Variants in GREM2 observed in about 807,000 individuals in gnomAD.
GREM2 encodes the protein gremlin 2, DAN family BMP antagonist.
A neutral mutation model predicts 14.2 loss-of-function variants in GREM2; 11 were observed. That is an observed-to-expected ratio of 0.78 (90% confidence interval 0.49 to 1.28). The LOEUF is 1.28. Among genes scored for constraint, GREM2 ranks in the 50% most tolerant of loss-of-function variants. The pLI, the probability that GREM2 is intolerant of heterozygous loss-of-function variation, is 0.00. For missense variants in GREM2, 210 were observed against 218.5 expected, an observed-to-expected ratio of 0.96 and a Z score of 0.24; for synonymous variants, 98 against 97.6, an observed-to-expected ratio of 1.00 and a Z score of -0.02.
intron 1 of GREM2, among the ~76,000 whole-genome samples, chr1:240,536,148 T>C (rs1435942586): frequency 1.3e-5 from 2 of 152,186 alleles, no homozygotes; most frequent in Non-Finnish European, 2.9e-5. Context: ...CCCTCAATTA[T>C]GGCAGTTAGA....
At chr1:240,528,448 T>C (rs146177169) in intron 1 of GREM2, among the ~76,000 whole-genome samples, 1 of 152,310 alleles carries the variant, frequency 6.6e-6, no homozygotes, top group African/African-American at 2.4e-5. Flanking sequence ...ATTATTCACC[T>C]GTCTCCAAAC....
intron 1 of GREM2, among the ~76,000 whole-genome samples, chr1:240,532,890 T>C (rs531047296): frequency 7.2e-5 from 11 of 152,352 alleles, no homozygotes; most frequent in African/African-American, 2.2e-4. Context: ...TGCTTTGAAG[T>C]GTACACTGTT....
chr1:240,509,658 GCA>G (rs1558142266), intron 1 of GREM2, among the ~76,000 whole-genome samples: 47 of 152,200 alleles, frequency 3.1e-4, no homozygotes, highest in Admixed American at 1.6e-3. Context: ...ATGAGCCACT[GCA>G]CCCGGTGCTC....
At chr1:240,593,305 C>T (rs1216968682) in intron 1 of GREM2, among the ~76,000 whole-genome samples, 3 of 152,106 alleles carry the variant, frequency 2.0e-5, no homozygotes, top group Admixed American at 6.5e-5. Flanking sequence ...CACTTGGCTC[C>T]TATCTCTACC....
chr1:240,536,600 G>A (rs932134535), intron 1 of GREM2, among the ~76,000 whole-genome samples: 10 of 151,676 alleles, frequency 6.6e-5, no homozygotes, highest in Non-Finnish European at 1.2e-4. Context: ...GGGGGCTGTA[G>A]ATCTGGAAGC....
chr1:240,572,525 T>C (rs1042248345), intron 1 of GREM2, among the ~76,000 whole-genome samples: 8 of 152,222 alleles, frequency 5.3e-5, no homozygotes, highest in Admixed American at 1.3e-4. Flanking sequence ...TATGTCCCTA[T>C]GTCAACAGAG....
In GREM2 at chr1:240,542,492, G is replaced by A. The variant is rs1161447399; in HGVS notation, c.-1-49016C>T. Among the ~76,000 whole-genome samples the A allele has an allele frequency of 6.6e-6, 1 of 150,834 alleles. No individual in the cohort carries two copies. Among genetic ancestry groups the A allele is most frequent in the East Asian group, 1.9e-4 (1 of 5,138 alleles). On this transcript the variant is annotated intron_variant, in intron 1 of 1. Coordinates refer to ENST00000318160, the MANE Select transcript of GREM2 (RefSeq NM_022469.4). This position sits in a 1 kb window ranked among gnomAD's most constrained non-coding sequence, Gnocchi z 4.1. Reference sequence around the variant, plus strand: ...TAGCTGGGTGTGGTGGTGCGCACCTGTAGTCCCAGCTACTCGGGAGGCTGA... The same window carrying A: ...TAGCTGGGTGTGGTGGTGCGCACCTATAGTCCCAGCTACTCGGGAGGCTGA...
At chr1:240,607,101 A>C (rs1680041390) in intron 1 of GREM2, among the ~76,000 whole-genome samples, 1 of 152,222 alleles carries the variant, frequency 6.6e-6, no homozygotes, top group African/African-American at 2.4e-5. Flanking sequence ...GGATTAGATG[A>C]TACCTATAAA....
intron 1 of GREM2, among the ~76,000 whole-genome samples, chr1:240,521,927 C>T (rs1369072691): frequency 6.6e-6 from 1 of 151,930 alleles, no homozygotes; most frequent in African/African-American, 2.4e-5. Flanking sequence ...GCCTGAACAA[C>T]ATGGTGAAAC....
At position 240,521,959 on chromosome 1, in the gene GREM2, AT is replaced by A. The variant is rs531809141; in HGVS notation, c.-1-28484del. On this transcript the variant is annotated intron_variant, in intron 1 of 1. Coordinates refer to ENST00000318160, the MANE Select transcript of GREM2 (RefSeq NM_022469.4). ...AAACCCCATCTCTACCAAAAAAAAAATTTTTTTTTAATTAGCTCGGCATGGT... is the reference window on the plus strand; with the variant it reads ...AAACCCCATCTCTACCAAAAAAAAAATTTTTTTTAATTAGCTCGGCATGGT... Among the ~76,000 whole-genome samples the A allele has an allele frequency of 1.7e-3, 262 of 151,120 alleles. 1 individual carries two copies. Among genetic ancestry groups the A allele is most frequent in the African/African-American group, 5.9e-3 (243 of 41,148 alleles).
intron 1 of GREM2, among the ~76,000 whole-genome samples, chr1:240,559,941 G>A (rs943381823): frequency 6.6e-6 from 1 of 152,002 alleles, no homozygotes; most frequent in Non-Finnish European, 1.5e-5. Flanking sequence ...AAACAGTCAC[G>A]GTGTTTCCGT....
intron 1 of GREM2, among the ~76,000 whole-genome samples, chr1:240,535,576 G>C (rs1678453710): frequency 6.6e-6 from 1 of 152,126 alleles, no homozygotes; most frequent in Admixed American, 6.5e-5. Flanking sequence ...GAGGCAGGGG[G>C]ATCACTTGAG....
intron 1 of GREM2, among the ~76,000 whole-genome samples, chr1:240,541,239 C>A (rs905081323): frequency 6.6e-6 from 1 of 152,086 alleles, no homozygotes; most frequent in Non-Finnish European, 1.5e-5. Context: ...GGGAGAGGAG[C>A]CCCACAGGGT....
intron 1 of GREM2, among the ~76,000 whole-genome samples, chr1:240,533,742 T>C (rs1370854678): frequency 6.6e-6 from 1 of 152,170 alleles, no homozygotes; most frequent in East Asian, 1.9e-4. Context: ...ATTTTGGTGG[T>C]TGAACAGATA....
chr1:240,536,384 T>G (rs1678470279), intron 1 of GREM2, among the ~76,000 whole-genome samples: 1 of 152,160 alleles, frequency 6.6e-6, no homozygotes, highest in African/African-American at 2.4e-5. Context: ...TGACCTTGAA[T>G]TGGCCAATGG....
In GREM2 at chr1:240,490,440, C is replaced by G. The variant is rs1677220486; in HGVS notation, c.*2529G>C. 6.6e-6 allele frequency: 1 copy of G among 152,654 alleles called. No homozygotes were observed. The highest frequency in any genetic ancestry group is 2.4e-5 in the African/African-American group (1 of 41,450). The allele number at this position is 152,654 out of a possible 1,614,324, so 9.5% of individuals were successfully genotyped here. A position where few individuals can be genotyped will look rare whatever the true frequency, so the allele number is the denominator to read the frequency against. Reference sequence around the variant, plus strand: ...CTGAACGCATAGTGCTGCTTCACAGCTCACTGCAACAAGTCAAAAATTCCA... The same window carrying G: ...CTGAACGCATAGTGCTGCTTCACAGGTCACTGCAACAAGTCAAAAATTCCA... On this transcript the variant is annotated 3_prime_UTR_variant, in exon 2 of 2. Coordinates refer to ENST00000318160, the MANE Select transcript of GREM2 (RefSeq NM_022469.4).
intron 1 of GREM2, among the ~76,000 whole-genome samples, chr1:240,526,266 T>G (rs536511151): frequency 6.6e-6 from 1 of 152,318 alleles, no homozygotes; most frequent in East Asian, 1.9e-4. Context: ...GGTGGACAAT[T>G]CATCCTGAGA....
chr1:240,595,337 A>G (rs1679799924), intron 1 of GREM2, among the ~76,000 whole-genome samples: 1 of 152,108 alleles, frequency 6.6e-6, no homozygotes, highest in South Asian at 2.1e-4. Flanking sequence ...TCTCAAAAAG[A>G]AAGTGAAGTA....
At chr1:240,606,939 A>G (rs1571956076) in intron 1 of GREM2, among the ~76,000 whole-genome samples, 2 of 152,062 alleles carry the variant, frequency 1.3e-5, no homozygotes, top group East Asian at 3.9e-4. Flanking sequence ...CGGCCTCCCA[A>G]AATGCTGGGA....
Sources: allele counts gnomAD v4.1 joint callset (sites outside exome capture counted in the v4.1 genomes callset), GRCh38; gene constraint gnomAD v4.1.1; non-coding constraint Gnocchi (gnomAD v3.1); transcripts MANE v1.5; gene names NCBI Gene and HGNC (gene_info 2026-07-23, HGNC 2026-07-21).